Variants in PPFIA2 observed in about 807,000 individuals in gnomAD.
The protein encoded by PPFIA2 is liprin-alpha-2.
Under a neutral mutation model 175.5 loss-of-function variants are expected in PPFIA2, and 46 were observed. The ratio of observed to expected loss-of-function variants is 0.26; its 90% CI spans 0.21 to 0.34. The LOEUF (loss-of-function observed/expected upper bound fraction) is 0.34. PPFIA2 is among the 10% of genes least tolerant of loss of function. The pLI is 1.00. For synonymous variants in PPFIA2, 568 were observed against 511.4 expected (o/e 1.11, Z -1.49); for missense variants, 1,179 against 1,506.1 (o/e 0.78, Z 3.60).
At chr12:81,417,845 T>C (rs76738655) in intron 7 of PPFIA2, among the ~76,000 whole-genome samples, 221 of 151,918 alleles carry the variant, frequency 1.5e-3, no homozygotes, top group African/African-American at 4.7e-3. Context: ...ATAATTCTAT[T>C]TGTCTCCAAC....
chr12:81,661,117 G>C (rs374698014), intron 4 of PPFIA2, among the ~76,000 whole-genome samples: 1 of 152,094 alleles, frequency 6.6e-6, no homozygotes, highest in Non-Finnish European at 1.5e-5. Flanking sequence ...AGACCATCGA[G>C]GCTAGGAAGA....
chr12:81,320,343 T>C (rs892300438), intron 22 of PPFIA2, among the ~76,000 whole-genome samples: 4 of 151,984 alleles, frequency 2.6e-5, no homozygotes, highest in Non-Finnish European at 5.9e-5. Flanking sequence ...TTGGTAGTAA[T>C]TAAGTGTGAC....
chr12:81,507,228 G>A (rs557000012), intron 4 of PPFIA2, among the ~76,000 whole-genome samples: 19 of 152,090 alleles, frequency 1.2e-4, no homozygotes, highest in African/African-American at 3.1e-4. Flanking sequence ...AGACAAATCC[G>A]CTTAGGTCTT....
At chr12:81,526,436 G>A (rs905851067) in intron 4 of PPFIA2, among the ~76,000 whole-genome samples, 1 of 152,146 alleles carries the variant, frequency 6.6e-6, no homozygotes, top group Non-Finnish European at 1.5e-5. Context: ...TACCACCATT[G>A]CTGAATCCTG....
intron 6 of PPFIA2, among the ~76,000 whole-genome samples, chr12:81,445,245 A>T (rs975468319): frequency 2.1e-5 from 3 of 141,904 alleles, no homozygotes; most frequent in African/African-American, 8.0e-5. Context: ...AGAGAGAGAG[A>T]GGCTCAATAA....
chr12:81,664,938 CA>C (rs1396845557), intron 4 of PPFIA2, among the ~76,000 whole-genome samples: 1 of 148,028 alleles, frequency 6.8e-6, no homozygotes, highest in East Asian at 2.1e-4. Context: ...ATCACAAGGA[CA>C]AAAAACCAAA....
At chr12:81,302,091 C>A in intron 22 of PPFIA2, 1 of 302,020 alleles carries the variant, frequency 3.3e-6, no homozygotes, top group Non-Finnish European at 6.6e-6. Context: ...AAACAAAATG[C>A]CAATCAGTGT....
chr12:81,596,577 G>GTAAA (rs2059273081), intron 4 of PPFIA2, among the ~76,000 whole-genome samples: 2 of 152,018 alleles, frequency 1.3e-5, no homozygotes, highest in African/African-American at 4.8e-5. Flanking sequence ...TTTACTGAAA[G>GTAAA]AATTGTAAAA....
At chr12:81,566,768 T>C (rs568591810) in intron 4 of PPFIA2, among the ~76,000 whole-genome samples, 1 of 152,234 alleles carries the variant, frequency 6.6e-6, no homozygotes, top group East Asian at 1.9e-4. Context: ...ATTTTTGTTG[T>C]TGTAGAACAT....
At chr12:81,547,795 C>A (rs2067233522) in intron 4 of PPFIA2, among the ~76,000 whole-genome samples, 1 of 152,074 alleles carries the variant, frequency 6.6e-6, no homozygotes, top group African/African-American at 2.4e-5. Flanking sequence ...CAACCATAAC[C>A]AGTACCTAGA....
At chr12:81,341,346 C>G (rs578094464) in intron 19 of PPFIA2, 138 bp from the exon 20 acceptor site, 1 of 687,686 alleles carries the variant, frequency 1.5e-6, no homozygotes, top group Non-Finnish European at 2.3e-6. Flanking sequence ...GCATTTAAGT[C>G]TTACATACAT....
Position 81,295,948 on chromosome 12 carries a change from C to A in PPFIA2, c.2725-913G>T, listed in dbSNP as rs570497930. ...GAGGTTGCAGTGAGCTGAGATCAGG[C>A]CTTTAGACTCCAGGCTGGGGACAGA... is the stretch of plus-strand genomic sequence containing the variant. On this transcript the variant is annotated intron_variant, in intron 23 of 32. Transcript: ENST00000549396. Among the ~76,000 whole-genome samples the A allele has an allele frequency of 2.0e-4, 30 of 152,026 alleles. No individual in the cohort carries two copies. In the East Asian group the frequency reaches 2.3e-3, roughly 12 times the overall value.
intron 4 of PPFIA2, among the ~76,000 whole-genome samples, chr12:81,639,709 T>A (rs7305940): frequency 0.47 from 70,895 of 151,954 alleles, 17,821 homozygotes; most frequent in Middle Eastern, 0.6. Context: ...ATATCATCTT[T>A]CACATAATAT....
intron 21 of PPFIA2, among the ~76,000 whole-genome samples, chr12:81,337,930 G>T (rs1044751863): frequency 1.4e-4 from 21 of 152,142 alleles, no homozygotes; most frequent in Admixed American, 1.3e-3. Flanking sequence ...ATAATATTAT[G>T]TATAGCCTAA....
At chr12:81,749,015 A>G (rs1048091865) in intron 3 of PPFIA2, among the ~76,000 whole-genome samples, 1 of 144,220 alleles carries the variant, frequency 6.9e-6, no homozygotes, top group African/African-American at 2.4e-5. Context: ...AAAACTAAAC[A>G]AACAAGATTC....
intron 20 of PPFIA2, among the ~76,000 whole-genome samples, chr12:81,340,684 A>G (rs570243820): frequency 6.6e-6 from 1 of 152,212 alleles, no homozygotes; most frequent in East Asian, 1.9e-4. Flanking sequence ...AAAAGGCACA[A>G]TCATATACTT....
chr12:81,595,042 G>A (rs1414539517), intron 4 of PPFIA2, among the ~76,000 whole-genome samples: 2 of 152,078 alleles, frequency 1.3e-5, no homozygotes, highest in Non-Finnish European at 2.9e-5. Flanking sequence ...TTAATTTCGA[G>A]GAAATGAGGG....
chr12:81,319,469 T>C (rs1475146507), intron 22 of PPFIA2, among the ~76,000 whole-genome samples: 3 of 151,610 alleles, frequency 2.0e-5, no homozygotes, highest in African/African-American at 7.3e-5. Flanking sequence ...GCTTCTGGAG[T>C]TCCAAGTAGG....
At chr12:81,691,268 T>C (rs1279340170) in intron 3 of PPFIA2, among the ~76,000 whole-genome samples, 2 of 152,178 alleles carry the variant, frequency 1.3e-5, no homozygotes, top group African/African-American at 4.8e-5. Flanking sequence ...TATTTTCATC[T>C]ATATATTGCC....
Sources: gnomAD v4.1 joint callset for allele counts (sites outside exome capture counted in the v4.1 genomes callset) on GRCh38, gnomAD v4.1.1 for gene constraint, MANE v1.5 for transcripts, NCBI Gene and HGNC (gene_info 2026-07-23, HGNC 2026-07-21) for gene names.